Variants in GHR observed in about 807,000 individuals in gnomAD.
GHR encodes the protein GH receptor.
GHR carries 35 observed loss-of-function variants against 67.1 expected under a neutral mutation model. The observed-to-expected ratio is 0.52, with a 90% CI of 0.40 to 0.69. The LOEUF (loss-of-function observed/expected upper bound fraction) is 0.69, where lower values mean the gene tolerates loss of function less well. GHR is among the 30% of genes least tolerant of loss of function. GHR has a pLI of 0.00. For synonymous variants in GHR, 272 were observed against 269.1 expected (o/e 1.01, Z -0.10); for missense variants, 792 against 764.6 (o/e 1.04, Z -0.42).
At chr5:42,642,431 A>C (rs568793824) in intron 3 of GHR, among the ~76,000 whole-genome samples, 1 of 152,226 alleles carries the variant, frequency 6.6e-6, no homozygotes, top group South Asian at 2.1e-4. Flanking sequence ...TTCTCTACAA[A>C]AAAGAGGGAG....
At chr5:42,557,752 T>C (rs1285310985) in intron 1 of GHR, among the ~76,000 whole-genome samples, 2 of 152,204 alleles carry the variant, frequency 1.3e-5, no homozygotes, top group Non-Finnish European at 2.9e-5. Context: ...TGGGAAAATA[T>C]CTTTCAATGA....
chr5:42,636,457 C>CT (rs1298217755), intron 3 of GHR, among the ~76,000 whole-genome samples: 3 of 152,094 alleles, frequency 2.0e-5, no homozygotes, highest in Non-Finnish European at 4.4e-5. Flanking sequence ...TGGTTGTGAC[C>CT]TTTTTGGTTG....
chr5:42,474,337 G>GAAAGAAAGAAAGA (rs1280195955), intron 1 of GHR, among the ~76,000 whole-genome samples: 1 of 41,786 alleles, frequency 2.4e-5, no homozygotes, highest in African/African-American at 7.6e-5. Flanking sequence ...AAGAAAGAAA[G>GAAAGAAAGAAAGA]AAAAGAAATA....
intron 2 of GHR, among the ~76,000 whole-genome samples, chr5:42,576,327 T>C (rs545279822): frequency 1.0e-3 from 156 of 152,060 alleles, no homozygotes; most frequent in African/African-American, 3.7e-3. Context: ...AAAGCATGTA[T>C]TGAGATTACT....
intron 3 of GHR, among the ~76,000 whole-genome samples, chr5:42,641,571 G>C (rs914369671): frequency 2.1e-4 from 32 of 152,238 alleles, no homozygotes; most frequent in Admixed American, 4.6e-4. Flanking sequence ...TGGTGCCTAA[G>C]GGAGGGAAGG....
rs911117998 is a variant in GHR, at chr5:42,532,063, A to C, written c.-11-33801A>C. 3.6e-4 allele frequency among the ~76,000 whole-genome samples: 54 copies of C among 151,946 alleles called. 1 individual carries two copies. Among genetic ancestry groups the C allele is most frequent in the African/African-American group, 7.2e-5 (3 of 41,452 alleles). On this transcript the variant is annotated intron_variant, in intron 1 of 9. Coordinates refer to ENST00000230882, the MANE Select transcript of GHR (RefSeq NM_000163.5). ...TGACAAGATCCAGCCTGACAATATC[A>C]CATATGATTTGCTTTTCTTCTTGGA...
At chr5:42,567,767 C>CTGTGTG (rs68150223) in intron 2 of GHR, among the ~76,000 whole-genome samples, 1,993 of 140,776 alleles carry the variant, frequency 0.014, 27 homozygotes, top group Middle Eastern at 0.024. Context: ...ATGCTTGGCT[C>CTGTGTG]TGTGTGTGTG....
At chr5:42,454,838 C>A (rs1241233704) in intron 1 of GHR, among the ~76,000 whole-genome samples, 3 of 152,094 alleles carry the variant, frequency 2.0e-5, no homozygotes, top group Admixed American at 2.0e-4. Context: ...CCTGTCTGCC[C>A]ACAAGGTTCC....
intron 3 of GHR, chr5:42,646,441 A>G: frequency 2.6e-6 from 1 of 387,026 alleles, no homozygotes; most frequent in Non-Finnish European, 5.1e-6. Context: ...CCCATAATAA[A>G]AGTAAAAGCT....
At chr5:42,534,284 ATGTACATG>A in intron 1 of GHR, among the ~76,000 whole-genome samples, 1 of 140,880 alleles carries the variant, frequency 7.1e-6, no homozygotes, top group East Asian at 2.0e-4. Flanking sequence ...ATATGTATAT[ATGTACATG>A]TGTATATGTG....
At chr5:42,477,736 T>G (rs1040964772) in intron 1 of GHR, among the ~76,000 whole-genome samples, 1 of 152,222 alleles carries the variant, frequency 6.6e-6, no homozygotes, top group South Asian at 2.1e-4. Flanking sequence ...GGTTGTTTGT[T>G]TTTTTCTTGT....
intron 1 of GHR, among the ~76,000 whole-genome samples, chr5:42,478,592 T>A (rs1745455406): frequency 1.3e-5 from 2 of 152,250 alleles, no homozygotes. Flanking sequence ...CTTGAAGATG[T>A]CCTTCACATC....
At chr5:42,536,891 G>A (rs1748281401) in intron 1 of GHR, among the ~76,000 whole-genome samples, 1 of 152,018 alleles carries the variant, frequency 6.6e-6, no homozygotes, top group Non-Finnish European at 1.5e-5. Flanking sequence ...TAAGCTAGGA[G>A]AGTTGTATTT....
intron 3 of GHR, among the ~76,000 whole-genome samples, chr5:42,682,511 G>T (rs1224779332): frequency 6.6e-6 from 1 of 152,136 alleles, no homozygotes; most frequent in African/African-American, 2.4e-5. Flanking sequence ...GTTCCTCTCA[G>T]ATTTAGAAAG....
chr5:42,567,216 A>G (rs1219037002), intron 2 of GHR, among the ~76,000 whole-genome samples: 1 of 152,186 alleles, frequency 6.6e-6, no homozygotes, highest in Non-Finnish European at 1.5e-5. Flanking sequence ...CTTTCACTCC[A>G]CTGGGCAAGA....
intron 1 of GHR, among the ~76,000 whole-genome samples, chr5:42,564,364 T>C (rs890552088): frequency 3.3e-5 from 5 of 150,492 alleles, no homozygotes; most frequent in Admixed American, 1.3e-4. Context: ...GTGTGAGATT[T>C]ATTTGAAATC....
At position 42,520,272 on chromosome 5, in the gene GHR, G is replaced by C. The variant is rs191965071; in HGVS notation, c.-11-45592G>C. 1.2e-4 allele frequency among the ~76,000 whole-genome samples: 18 copies of C among 152,210 alleles called. No homozygotes were observed. The South Asian group carries it at 1.5e-3, about 12-fold the overall frequency. ...AAATCCTAAAGTACCTATTATACAA[G>C]GGGAACTATAATAAAGAGCCAGGTG... On this transcript the variant is annotated intron_variant, in intron 1 of 9. Coordinates refer to ENST00000230882, the MANE Select transcript of GHR (RefSeq NM_000163.5).
chr5:42,548,193 T>TA, intron 1 of GHR: 3 of 983,926 alleles, frequency 3.0e-6, no homozygotes, highest in Non-Finnish European at 3.6e-6. Context: ...TGATGTGATT[T>TA]AATTTACTCC....
At chr5:42,613,346 T>A (rs1752979834) in intron 2 of GHR, among the ~76,000 whole-genome samples, 1 of 152,166 alleles carries the variant, frequency 6.6e-6, no homozygotes, top group Non-Finnish European at 1.5e-5. Flanking sequence ...GCTCTCCAGT[T>A]AAGCTGTAAT....
Sources: allele counts gnomAD v4.1 joint callset (sites outside exome capture counted in the v4.1 genomes callset), GRCh38; gene constraint gnomAD v4.1.1; transcripts MANE v1.5; gene names NCBI Gene and HGNC (gene_info 2026-07-23, HGNC 2026-07-21).